The following R3HDM2 variants were observed in gnomAD, a reference collection of about 807,000 sequenced individuals.
R3HDM2 encodes R3H domain containing 2, also known as R3H domain-containing protein 2.
R3HDM2 carries 38 observed loss-of-function variants against 124.5 expected under a neutral mutation model. The ratio of observed to expected loss-of-function variants is 0.31; its 90% CI spans 0.24 to 0.40. R3HDM2 has a LOEUF of 0.40. Among genes scored for constraint, R3HDM2 ranks in the 10% least tolerant of loss-of-function variants. The pLI is 1.00. For synonymous variants in R3HDM2, 391 were observed against 448.0 expected, an observed-to-expected ratio of 0.87 and a Z score of 1.61; for missense variants, 869 against 1,236.9, an observed-to-expected ratio of 0.70 and a Z score of 4.46.
At chr12:57,414,014 T>G (rs2069288013) in intron 1 of R3HDM2, among the ~76,000 whole-genome samples, 1 of 150,444 alleles carries the variant, frequency 6.6e-6, no homozygotes. Context: ...CCCAGCTAAA[T>G]TTTTTTGTAT....
intron 2 of R3HDM2, among the ~76,000 whole-genome samples, chr12:57,394,938 G>A (rs531162063): frequency 6.2e-4 from 95 of 152,252 alleles, no homozygotes; most frequent in African/African-American, 2.1e-3. Flanking sequence ...GGCTGGGCGC[G>A]GTGGCTCACG....
intron 13 of R3HDM2, among the ~76,000 whole-genome samples, chr12:57,282,299 C>CA (rs796325846): frequency 0.49 from 62,779 of 127,766 alleles, 14,201 homozygotes; most frequent in Admixed American, 0.56. Flanking sequence ...GACTCCATCT[C>CA]AAAAAAAAAA....
chr12:57,317,232 TCA>T (rs1404418877), intron 2 of R3HDM2, among the ~76,000 whole-genome samples: 2 of 151,508 alleles, frequency 1.3e-5, no homozygotes, highest in Non-Finnish European at 2.9e-5. Flanking sequence ...AGACAGGGTC[TCA>T]GTCTGTCACC....
intron 14 of R3HDM2, among the ~76,000 whole-genome samples, chr12:57,279,838 G>T (rs1415606859): frequency 6.6e-6 from 1 of 152,040 alleles, no homozygotes; most frequent in African/African-American, 2.4e-5. Flanking sequence ...CAGCCCTTTT[G>T]AGTCATGGAA....
chr12:57,429,606 G>A (rs1566540848), intron 1 of R3HDM2, among the ~76,000 whole-genome samples: 1 of 152,094 alleles, frequency 6.6e-6, no homozygotes, highest in Non-Finnish European at 1.5e-5. Flanking sequence ...CCAGCTACTT[G>A]GGGGACTGAG....
At chr12:57,308,281 C>T (rs2053176401) in intron 3 of R3HDM2, among the ~76,000 whole-genome samples, 1 of 151,038 alleles carries the variant, frequency 6.6e-6, no homozygotes, top group Non-Finnish European at 1.5e-5. Context: ...ATCTTGAACT[C>T]CCGACCTCAA....
At position 57,269,777 on chromosome 12, in the gene R3HDM2, T is replaced by G. The variant is rs1274777679; in HGVS notation, c.1562A>C (p.Gln521Pro). 7 of 1,614,022 alleles carry G rather than the reference T, an allele frequency of 4.3e-6. No individual in the cohort carries two copies. The highest frequency in any genetic ancestry group is 5.9e-6 in the Non-Finnish European group (7 of 1,180,022). ...CTGTTGAGGGGGCTGCATGTACCCCTGGGGTGGCAGAACTTGCTGAGTAGG... is the reference window on the plus strand; with the variant it reads ...CTGTTGAGGGGGCTGCATGTACCCCGGGGGTGGCAGAACTTGCTGAGTAGG... ...APPTQQVLPPQGYMQPPQQIQ... is the reference protein window; with the variant it reads ...APPTQQVLPPPGYMQPPQQIQ... The change falls in exon 15 of 24, where the codon CAG (glutamine) becomes CCG (proline). Residue 521 changes from glutamine to proline, a missense_variant. Coordinates refer to ENST00000402412, the MANE Select transcript of R3HDM2 (RefSeq NM_001394031.1).
chr12:57,357,153 T>C (rs1297167480), intron 2 of R3HDM2, among the ~76,000 whole-genome samples: 2 of 150,646 alleles, frequency 1.3e-5, no homozygotes, highest in East Asian at 2.0e-4. Context: ...GTAAAATTTA[T>C]TGACATAAAA....
chr12:57,302,257 A>G (rs1388014846), intron 4 of R3HDM2, among the ~76,000 whole-genome samples: 1 of 152,058 alleles, frequency 6.6e-6, no homozygotes, highest in African/African-American at 2.4e-5. Flanking sequence ...CTCCGGCTAC[A>G]GAGTAAGACT....
At chr12:57,308,087 C>G (rs1344508422) in intron 3 of R3HDM2, among the ~76,000 whole-genome samples, 1 of 147,154 alleles carries the variant, frequency 6.8e-6, no homozygotes, top group Non-Finnish European at 1.5e-5. Flanking sequence ...TGGAGTCTCG[C>G]TCTGTCACCC....
chr12:57,270,392 CTTATTTTGTTTTGTT>C (rs201398343), intron 14 of R3HDM2, among the ~76,000 whole-genome samples: 63,860 of 148,240 alleles, frequency 0.43, 14,697 homozygotes, highest in South Asian at 0.53. Flanking sequence ...CCGGCTAATT[CTTATTTTGTTTTGTT>C]TTGTTTTGTT....
rs1390917115 is a variant in R3HDM2 at position 57,430,631 on chromosome 12, G to T, written c.-106+89C>A. 5 of 977,298 alleles carry T rather than the reference G, an allele frequency of 5.1e-6. No homozygotes were observed. In the African/African-American group the frequency reaches 8.8e-5, roughly 17 times the overall value. The allele number at this position is 977,298 out of a possible 1,614,324, so 60.5% of individuals were successfully genotyped here. A position where few individuals can be genotyped will look rare whatever the true frequency, so the allele number is the denominator to read the frequency against. The stretch of plus-strand genomic sequence containing the variant: ...GGGCGCGAGGAACCCAGGCCGCGGG[G>T]CCTCCTCGCGCCCGCCCGTGCGGCC... On this transcript the variant is annotated intron_variant, in intron 1 of 23. Transcript: ENST00000402412.
In R3HDM2 at chr12:57,269,389, G is replaced by C. The variant is rs1234356351; in HGVS notation, c.1648C>G (p.Leu550Val). 6.2e-7 allele frequency: 1 copy of C among 1,614,094 alleles called. No homozygotes were observed. Among genetic ancestry groups the C allele is most frequent in the South Asian group, 1.1e-5 (1 of 91,084 alleles). Residue 550 changes from leucine to valine, a missense_variant, in exon 16 of 24, where the codon CTC becomes GTC. Leu to Val is a conservative substitution (Grantham distance 32). Transcript: ENST00000402412. Reference protein sequence around the residue: ...YPNSNQQYRPLSHPVAYSPQR... With the variant: ...YPNSNQQYRPVSHPVAYSPQR... The stretch of plus-strand genomic sequence containing the variant: ...GGGCTATAGGCCACCGGGTGAGAGA[G>C]AGGTCGATATTGCTGGTTGGAGTTA...
Position 57,296,181 on chromosome 12 carries a change from T to C in R3HDM2, c.701+230A>G, listed in dbSNP as rs1159654425. ...CTGCGCCCGGCCATTTTTAAACTTT[T>C]TTTTTTTTTTTAAAGTAATAGAGAT... On this transcript the variant is annotated intron_variant, in intron 9 of 23. Coordinates refer to ENST00000402412, the MANE Select transcript of R3HDM2 (RefSeq NM_001394031.1). This position sits in a 1 kb window ranked among gnomAD's most constrained non-coding sequence, Gnocchi z 4.5. Among the ~76,000 whole-genome samples the C allele has an allele frequency of 6.6e-6, 1 of 151,806 alleles. No individual in the cohort carries two copies. Among genetic ancestry groups the C allele is most frequent in the African/African-American group, 2.4e-5 (1 of 41,330 alleles).
At chr12:57,307,128 G>T (rs1194701179) in intron 3 of R3HDM2, among the ~76,000 whole-genome samples, 1 of 152,192 alleles carries the variant, frequency 6.6e-6, no homozygotes, top group Non-Finnish European at 1.5e-5. Context: ...AAGATGTTCT[G>T]AGTTTCACTT....
chr12:57,357,499 T>C (rs1328522243), intron 2 of R3HDM2, among the ~76,000 whole-genome samples: 2 of 151,998 alleles, frequency 1.3e-5, no homozygotes, highest in Non-Finnish European at 1.5e-5. Context: ...TGATATTCAA[T>C]GCCTGGAAAA....
At chr12:57,390,369 C>G (rs1039915185) in intron 2 of R3HDM2, among the ~76,000 whole-genome samples, 1 of 151,954 alleles carries the variant, frequency 6.6e-6, no homozygotes, top group Admixed American at 6.6e-5. Context: ...CTAAGGGGAA[C>G]AAGGGCAGAG....
At chr12:57,305,454 TA>T (rs1483591939) in intron 3 of R3HDM2, among the ~76,000 whole-genome samples, 1 of 152,234 alleles carries the variant, frequency 6.6e-6, no homozygotes, top group African/African-American at 2.4e-5. Flanking sequence ...AAAAGTTTTT[TA>T]TAAAGTATTC....
At chr12:57,289,082 C>T in intron 11 of R3HDM2, 42 bp from the exon 12 acceptor site, 3 of 1,507,236 alleles carry the variant, frequency 2.0e-6, no homozygotes, top group Non-Finnish European at 2.7e-6. Context: ...TATAAGAAAA[C>T]AGCATGGCAT....
Sources: gnomAD v4.1 joint callset for allele counts (sites outside exome capture counted in the v4.1 genomes callset) on GRCh38, gnomAD v4.1.1 for gene constraint, Gnocchi (gnomAD v3.1) non-coding constraint, MANE v1.5 for transcripts, NCBI Gene and HGNC (gene_info 2026-07-23, HGNC 2026-07-21) for gene names.